The following UBN2 variants were observed in gnomAD, a reference collection of about 807,000 sequenced individuals.
The protein encoded by UBN2 is ubinuclein 2, also known as ubinuclein-2.
Under a neutral mutation model 120.2 loss-of-function variants are expected in UBN2, and 35 were observed. The observed-to-expected ratio is 0.29, with a 90% CI of 0.22 to 0.39. The LOEUF is 0.39. UBN2 is among the 10% of genes least tolerant of loss of function. UBN2 has a pLI of 1.00. For missense variants in UBN2, 1,693 were observed against 1,663.2 expected, an observed-to-expected ratio of 1.02 and a Z score of -0.31; for synonymous variants, 661 against 648.7, an observed-to-expected ratio of 1.02 and a Z score of -0.29.
chr7:139,233,576 G>A (rs1294513663), intron 1 of UBN2, among the ~76,000 whole-genome samples: 2 of 152,098 alleles, frequency 1.3e-5, no homozygotes, highest in East Asian at 1.9e-4. Context: ...CTTTACAAAT[G>A]TATGTAATTT....
chr7:139,279,021 G>A (rs1267420192), intron 12 of UBN2, among the ~76,000 whole-genome samples: 2 of 151,630 alleles, frequency 1.3e-5, no homozygotes, highest in Middle Eastern at 3.4e-3. Context: ...TTGAGCCTGC[G>A]GTTCCTTGAA....
At position 139,231,552 on chromosome 7, in the gene UBN2, C is replaced by G; in HGVS notation, c.68C>G (p.Pro23Arg). The change falls in exon 1 of 18, where the codon CCG becomes CGG. Residue 23 changes from proline to arginine, a missense_variant. Around this residue, in one of 5 missense-constraint regions of UBN2, gnomAD observed 663 missense variants for 591.2 expected, o/e 1.12. Coordinates refer to ENST00000473989, the MANE Select transcript of UBN2 (RefSeq NM_173569.4). ...GTGCGGCGGCGCGAGGCCGAGTACC[C>G]GGGGCCCGAGCGTGAGCCCGAGTAC... ...SPVRRREAEY[P>R]GPEREPEYPR... is the part of the protein sequence containing the mutation. 7.0e-7 allele frequency: 1 copy of G among 1,419,056 alleles called. No individual in the cohort carries two copies. The highest frequency in any genetic ancestry group is 1.9e-4 in the Middle Eastern group (1 of 5,150). The allele number at this position is 1,419,056 out of a possible 1,614,324, so 87.9% of individuals were successfully genotyped here.
At position 139,283,976 on chromosome 7, in the gene UBN2, C is replaced by T. The variant is rs200304697; in HGVS notation, c.3071C>T (p.Thr1024Met). The T allele has an allele frequency of 1.2e-4, 199 of 1,614,124 alleles. No individual in the cohort carries two copies. Among genetic ancestry groups the T allele is most frequent in the Admixed American group, 1.0e-3 (61 of 60,012 alleles). ...AAGGCTATGGTGTCACAGATCTCCA[C>T]GCAGGGTTTCAAATCTCCCTTCTCG... is the stretch of plus-strand genomic sequence containing the variant. ...LAKAMVSQISTQGFKSPFSMA... is the reference protein window; with the variant it reads ...LAKAMVSQISMQGFKSPFSMA... The change falls in exon 15 of 18, where the codon ACG becomes ATG. Residue 1024 changes from threonine to methionine, a missense_variant. Around this residue, in one of 5 missense-constraint regions of UBN2, gnomAD observed 837 missense variants for 817.6 expected, o/e 1.02. Coordinates refer to ENST00000473989, the MANE Select transcript of UBN2 (RefSeq NM_173569.4).
At chr7:139,235,417 A>G (rs1242196220) in intron 1 of UBN2, among the ~76,000 whole-genome samples, 1 of 151,692 alleles carries the variant, frequency 6.6e-6, no homozygotes, top group Non-Finnish European at 1.5e-5. Flanking sequence ...TTTTTTTGAG[A>G]TGAAGTCTCA....
chr7:139,326,359 A>G, the UBN2 span, among the ~76,000 whole-genome samples: 1 of 152,152 alleles, frequency 6.6e-6, no homozygotes, highest in African/African-American at 2.4e-5. Context: ...CCCTCCTATC[A>G]TTTGCCTCTC....
chr7:139,313,656 A>G, the UBN2 span, among the ~76,000 whole-genome samples: 1 of 152,186 alleles, frequency 6.6e-6, no homozygotes, highest in African/African-American at 2.4e-5. Flanking sequence ...TAATGGGAAC[A>G]TTAAAATCTT....
In UBN2 at chr7:139,288,992, C is replaced by T. The variant is rs536338150; in HGVS notation, c.3670-4240C>T. On this transcript the variant is annotated intron_variant, in intron 15 of 17. Coordinates refer to ENST00000473989, the MANE Select transcript of UBN2 (RefSeq NM_173569.4). ...AGTCCAGCCTGGCAACAGAGGGAGA[C>T]GCCATCTCAAAAAAAAAAAAAAAAA... Among the ~76,000 whole-genome samples, 54 of 139,336 alleles carry T rather than the reference C, an allele frequency of 3.9e-4. 1 individual carries two copies. The highest frequency in any genetic ancestry group is 3.4e-3 in the Admixed American group (47 of 13,884). The allele number at this position is 139,336 out of a possible 152,430, so 91.4% of individuals were successfully genotyped here.
chr7:139,277,919 T>C (rs1300082103), intron 12 of UBN2, among the ~76,000 whole-genome samples: 1 of 152,116 alleles, frequency 6.6e-6, no homozygotes, highest in East Asian at 1.9e-4. Flanking sequence ...TTAACAACAA[T>C]AATAAAAGAG....
the UBN2 span, among the ~76,000 whole-genome samples, chr7:139,319,670 C>T: frequency 3.3e-5 from 5 of 152,212 alleles, no homozygotes; most frequent in African/African-American, 4.8e-5. Flanking sequence ...ACAACACGTT[C>T]CTGCTCTCTT....
At chr7:139,250,054 C>A (rs899425784) in intron 2 of UBN2, among the ~76,000 whole-genome samples, 4 of 151,990 alleles carry the variant, frequency 2.6e-5, no homozygotes, top group Non-Finnish European at 5.9e-5. Context: ...AAAAAAATAT[C>A]ATGGGACAGG....
intron 2 of UBN2, among the ~76,000 whole-genome samples, chr7:139,247,396 G>A (rs898319233): frequency 6.6e-6 from 1 of 152,118 alleles, no homozygotes; most frequent in Non-Finnish European, 1.5e-5. Context: ...ACTAATTTCA[G>A]TTTTGCTTTA....
intron 17 of UBN2, among the ~76,000 whole-genome samples, chr7:139,296,941 T>C (rs1798125769): frequency 6.6e-6 from 1 of 152,070 alleles, no homozygotes; most frequent in African/African-American, 2.4e-5. Context: ...ATGCCTGTAA[T>C]CCCAGCACTT....
intron 15 of UBN2, among the ~76,000 whole-genome samples, chr7:139,291,141 A>G (rs896535277): frequency 6.6e-6 from 1 of 152,064 alleles, no homozygotes; most frequent in African/African-American, 2.4e-5. Flanking sequence ...CAGGCGGATC[A>G]CTTGAGCACA....
rs1164169008 is a variant in UBN2 at position 139,231,644 on chromosome 7, C to T, written c.160C>T (p.Pro54Ser). ...GCCGGCCCGGGCGGAGCCGCCGGCC[C>T]CGCGGGAGCCTGCCCCCCGCTCGGA... is the stretch of plus-strand genomic sequence containing the variant. Reference protein sequence around the residue: ...REPARAEPPAPREPAPRSDAQ... With the variant: ...REPARAEPPASREPAPRSDAQ... The change falls in exon 1 of 18, where the codon CCG (proline) becomes TCG (serine). Residue 54 changes from proline to serine, a missense_variant. Coordinates refer to ENST00000473989, the MANE Select transcript of UBN2 (RefSeq NM_173569.4). 18 of 1,219,312 alleles carry T rather than the reference C, an allele frequency of 1.5e-5. 1 individual carries two copies. The African/African-American group carries it at 2.4e-4, about 16-fold the overall frequency. The allele number at this position is 1,219,312 out of a possible 1,614,324, so 75.5% of individuals were successfully genotyped here. A position where few individuals can be genotyped will look rare whatever the true frequency, so the allele number is the denominator to read the frequency against.
At chr7:139,236,065 A>G (rs538678378) in intron 1 of UBN2, among the ~76,000 whole-genome samples, 1 of 152,336 alleles carries the variant, frequency 6.6e-6, no homozygotes, top group East Asian at 1.9e-4. Flanking sequence ...GGATAAAAGT[A>G]GTATTTTTAT....
rs559747483 is a variant in UBN2 at position 139,298,972 on chromosome 7, A to G, written c.*1136A>G. On this transcript the variant is annotated 3_prime_UTR_variant, in exon 18 of 18. Coordinates refer to ENST00000473989, the MANE Select transcript of UBN2 (RefSeq NM_173569.4). ...GAATCACATTAGGATCACAATCACGACATATTTTTACTCCCTGTATCCAGT... is the reference window on the plus strand; with the variant it reads ...GAATCACATTAGGATCACAATCACGGCATATTTTTACTCCCTGTATCCAGT... 6.6e-6 allele frequency: 1 copy of G among 152,290 alleles called. No individual in the cohort carries two copies. The highest frequency in any genetic ancestry group is 2.4e-5 in the African/African-American group (1 of 41,578). 9.4% of individuals were successfully genotyped at this position (152,290 alleles called of 1,614,324 possible).
intron 2 of UBN2, among the ~76,000 whole-genome samples, chr7:139,251,500 A>G (rs1440091038): frequency 3.9e-5 from 6 of 151,968 alleles, no homozygotes; most frequent in Non-Finnish European, 2.9e-5. Flanking sequence ...AGTTTTTCAC[A>G]TTTTCCTTGT....
In UBN2 at chr7:139,303,555, G is replaced by A. The variant is rs1381853202; in HGVS notation, c.*5719G>A. On this transcript the variant is annotated 3_prime_UTR_variant, in exon 18 of 18. Coordinates refer to ENST00000473989, the MANE Select transcript of UBN2 (RefSeq NM_173569.4). ...CTAGGGGGAATATTGTTTAACCTTC[G>A]TGCCTCAGATTACCCATTAGACAAT... The A allele has an allele frequency of 1.3e-5, 2 of 152,100 alleles. No homozygotes were observed. The highest frequency in any genetic ancestry group is 6.5e-5 in the Admixed American group (1 of 15,268). The allele number at this position is 152,100 out of a possible 1,614,324, so 9.4% of individuals were successfully genotyped here. A position where few individuals can be genotyped will look rare whatever the true frequency, so the allele number is the denominator to read the frequency against.
In UBN2 at chr7:139,231,469, G is replaced by C. The variant is rs1014816280; in HGVS notation, c.-16G>C. ...AGCGCCGGCTCGAGCAAAAGCGGAGGGCCAGAACAGTGGGGATGGCGGAGC... is the reference window on the plus strand; with the variant it reads ...AGCGCCGGCTCGAGCAAAAGCGGAGCGCCAGAACAGTGGGGATGGCGGAGC... On this transcript the variant is annotated 5_prime_UTR_variant, in exon 1 of 18. Coordinates refer to ENST00000473989, the MANE Select transcript of UBN2 (RefSeq NM_173569.4). The C allele has an allele frequency of 5.9e-6, 8 of 1,348,528 alleles. No individual in the cohort carries two copies. Among genetic ancestry groups the C allele is most frequent in the Non-Finnish European group, 6.7e-6 (7 of 1,043,702 alleles). The allele number at this position is 1,348,528 out of a possible 1,614,324, so 83.5% of individuals were successfully genotyped here. A position where few individuals can be genotyped will look rare whatever the true frequency, so the allele number is the denominator to read the frequency against.
Sources: allele counts gnomAD v4.1 joint callset (sites outside exome capture counted in the v4.1 genomes callset), GRCh38; gene constraint gnomAD v4.1.1; regional missense constraint gnomAD v4.1.1; transcripts MANE v1.5; gene names NCBI Gene and HGNC (gene_info 2026-07-23, HGNC 2026-07-21).